LRP12: variants seen among roughly 807,000 people sequenced by gnomAD.
The protein encoded by LRP12 is LDL receptor related protein 12, also known as low-density lipoprotein receptor-related protein 12.
A neutral mutation model predicts 66.0 loss-of-function variants in LRP12; 14 were observed. That is an observed-to-expected ratio of 0.21 (90% CI 0.14 to 0.33). LRP12 has a LOEUF of 0.33. LRP12 is among the 10% of genes least tolerant of loss of function. LRP12 has a pLI of 1.00. For missense variants in LRP12, 889 were observed against 1,053.4 expected (o/e 0.84, Z 2.16); for synonymous variants, 357 against 359.1 (o/e 0.99, Z 0.07).
intron 5 of LRP12, 116 bp from the exon 6 acceptor site, chr8:104,495,325 C>T: frequency 1.0e-5 from 11 of 1,067,578 alleles, no homozygotes; most frequent in Non-Finnish European, 1.5e-5. Context: ...CATTTTAAAG[C>T]TTAGTCATTT....
intron 2 of LRP12, among the ~76,000 whole-genome samples, chr8:104,526,222 G>A (rs1474330144): frequency 6.6e-6 from 1 of 151,794 alleles, no homozygotes. Context: ...CTCATGGGTA[G>A]GAAGAATCAA....
intron 1 of LRP12, among the ~76,000 whole-genome samples, chr8:104,565,196 T>C (rs747038297): frequency 6.6e-6 from 1 of 152,198 alleles, no homozygotes; most frequent in Non-Finnish European, 1.5e-5. Context: ...TAAATACATA[T>C]GTGTGCATAT....
At chr8:104,531,666 T>A (rs1811326261) in intron 2 of LRP12, among the ~76,000 whole-genome samples, 2 of 152,116 alleles carry the variant, frequency 1.3e-5, no homozygotes, top group Non-Finnish European at 2.9e-5. Context: ...GGTTCAATGT[T>A]TGTATGAAAA....
Position 104,490,827 on chromosome 8 carries a change from G to T in LRP12, c.2426C>A (p.Pro809Gln), listed in dbSNP as rs1348156577. The T allele has an allele frequency of 3.1e-6, 5 of 1,614,088 alleles. No homozygotes were observed. Among genetic ancestry groups the T allele is most frequent in the Non-Finnish European group, 4.2e-6 (5 of 1,180,018 alleles). Residue 809 changes from proline to glutamine, a missense_variant, in exon 7 of 7, where the codon CCA becomes CAA. By Grantham distance (76) the Pro-to-Gln change is moderately conservative. Coordinates refer to ENST00000276654, the MANE Select transcript of LRP12 (RefSeq NM_013437.5). ...ASDQGQGLRQPYNATNPGVRP... is the reference protein window; with the variant it reads ...ASDQGQGLRQQYNATNPGVRP... The stretch of plus-strand genomic sequence containing the variant: ...TACTCCAGGATTTGTTGCATTATAT[G>T]GTTGTCTAAGCCCTTGTCCTTGATC...
chr8:104,583,789 T>C (rs1056974316), intron 1 of LRP12, among the ~76,000 whole-genome samples: 7 of 152,184 alleles, frequency 4.6e-5, no homozygotes, highest in Admixed American at 2.6e-4. Flanking sequence ...AAAGAGTACA[T>C]ATCTGACAGG....
chr8:104,584,753 GT>G (rs1292306492), intron 1 of LRP12, among the ~76,000 whole-genome samples: 4 of 152,052 alleles, frequency 2.6e-5, no homozygotes, highest in African/African-American at 9.7e-5. Context: ...TCAAGGAAGG[GT>G]TTATGTTAAG....
At chr8:104,525,602 G>C (rs1166258635) in intron 2 of LRP12, among the ~76,000 whole-genome samples, 1 of 151,976 alleles carries the variant, frequency 6.6e-6, no homozygotes, top group Non-Finnish European at 1.5e-5. Flanking sequence ...CTACTCACCA[G>C]ATATTTTAAC....
chr8:104,559,285 CA>C (rs1811864953), intron 1 of LRP12, among the ~76,000 whole-genome samples: 1 of 152,016 alleles, frequency 6.6e-6, no homozygotes, highest in African/African-American at 2.4e-5. Context: ...TAAAAAAGAA[CA>C]AAATAATGGC....
At chr8:104,503,039 G>A (rs1810852080) in intron 3 of LRP12, among the ~76,000 whole-genome samples, 2 of 152,174 alleles carry the variant, frequency 1.3e-5, no homozygotes, top group South Asian at 2.1e-4. Flanking sequence ...ACAAAAATTA[G>A]TTGGGCGTGG....
At chr8:104,556,166 G>C (rs1811803939) in intron 1 of LRP12, among the ~76,000 whole-genome samples, 1 of 152,136 alleles carries the variant, frequency 6.6e-6, no homozygotes, top group Non-Finnish European at 1.5e-5. Context: ...GCAGTGCTAT[G>C]AGGAAAATTC....
chr8:104,576,904 G>C (rs947921401), intron 1 of LRP12, among the ~76,000 whole-genome samples: 1 of 151,952 alleles, frequency 6.6e-6, no homozygotes, highest in African/African-American at 2.4e-5. Context: ...AAAATAAAGA[G>C]AGAAAAATCT....
chr8:104,588,673 C>G (rs938801837), intron 1 of LRP12, 146 bp downstream of exon 1: 1 of 584,894 alleles, frequency 1.7e-6, no homozygotes. Context: ...CCCGTTCCGC[C>G]ACATCCACCC....
intron 1 of LRP12, among the ~76,000 whole-genome samples, chr8:104,537,835 G>A (rs1410339648): frequency 2.0e-5 from 3 of 152,222 alleles, no homozygotes; most frequent in East Asian, 3.9e-4. Flanking sequence ...CATTCTGTAC[G>A]ATTCTATTCT....
intron 2 of LRP12, among the ~76,000 whole-genome samples, chr8:104,520,503 T>A (rs16871540): frequency 0.016 from 2,438 of 152,136 alleles, 84 homozygotes; most frequent in African/African-American, 0.056. Flanking sequence ...GTCATCTCTA[T>A]CAGCTTTGAC....
At position 104,547,543 on chromosome 8, in the gene LRP12, T is replaced by C. The variant is rs1410659190; in HGVS notation, c.80-15580A>G. Among the ~76,000 whole-genome samples, 4 of 127,334 alleles carry C rather than the reference T, an allele frequency of 3.1e-5. No homozygotes were observed. In the East Asian group the frequency reaches 8.7e-4, roughly 28 times the overall value. The allele number at this position is 127,334 out of a possible 152,430, so 83.5% of individuals were successfully genotyped here. On this transcript the variant is annotated intron_variant, in intron 1 of 6. Coordinates refer to ENST00000276654, the MANE Select transcript of LRP12 (RefSeq NM_013437.5). ...TATAATTGTTATATTTTGTATATAATATATAATTACATATTATATATTAAT... is the reference window on the plus strand; with the variant it reads ...TATAATTGTTATATTTTGTATATAACATATAATTACATATTATATATTAAT...
chr8:104,572,294 C>G (rs1353263424), intron 1 of LRP12, among the ~76,000 whole-genome samples: 1 of 152,126 alleles, frequency 6.6e-6, no homozygotes, highest in Non-Finnish European at 1.5e-5. Context: ...CAAGAGTTTT[C>G]TGGGGGTGAT....
At chr8:104,587,544 G>A (rs998223356) in intron 1 of LRP12, among the ~76,000 whole-genome samples, 3 of 152,256 alleles carry the variant, frequency 2.0e-5, no homozygotes, top group Admixed American at 6.5e-5. Flanking sequence ...AATCAGGTAC[G>A]GGAGCAACAC....
chr8:104,540,409 T>C (rs559872651), intron 1 of LRP12, among the ~76,000 whole-genome samples: 4 of 152,284 alleles, frequency 2.6e-5, no homozygotes, highest in African/African-American at 9.6e-5. Flanking sequence ...TAGGTCTAGA[T>C]GAAGATTTTT....
chr8:104,508,356 T>C (rs967634860), intron 3 of LRP12: 6 of 152,250 alleles, frequency 3.9e-5, no homozygotes, highest in Admixed American at 3.9e-4. Flanking sequence ...ACATTCATTC[T>C]TAGAATCTTA....
Sources: allele counts gnomAD v4.1 joint callset (sites outside exome capture counted in the v4.1 genomes callset), GRCh38; gene constraint gnomAD v4.1.1; transcripts MANE v1.5; gene names NCBI Gene and HGNC (gene_info 2026-07-23, HGNC 2026-07-21).